PEX14: variants seen among roughly 807,000 people sequenced by gnomAD.
The protein encoded by PEX14 is peroxisomal biogenesis factor 14.
Under a neutral mutation model 49.5 loss-of-function variants are expected in PEX14, and 15 were observed. The observed-to-expected ratio is 0.30, with a 90% CI of 0.20 to 0.47. PEX14 has a LOEUF of 0.47. PEX14 is among the 20% of genes least tolerant of loss of function. The pLI is 1.00. For missense variants in PEX14, 398 were observed against 494.8 expected, an observed-to-expected ratio of 0.80 and a Z score of 1.86; for synonymous variants, 210 against 212.7, an observed-to-expected ratio of 0.99 and a Z score of 0.11.
chr1:10,488,590 C>T (rs1166626123), intron 1 of PEX14, among the ~76,000 whole-genome samples: 1 of 151,856 alleles, frequency 6.6e-6, no homozygotes, highest in Non-Finnish European at 1.5e-5. Context: ...AGCTCTGCCT[C>T]CTGGGTTCAC....
intron 3 of PEX14, among the ~76,000 whole-genome samples, chr1:10,570,357 G>T (rs1013011260): frequency 6.6e-6 from 1 of 151,780 alleles, no homozygotes; most frequent in Non-Finnish European, 1.5e-5. Context: ...TTTTTGAGAC[G>T]TGGTCTTGCT....
intron 2 of PEX14, among the ~76,000 whole-genome samples, chr1:10,527,976 G>A (rs1167317961): frequency 2.0e-5 from 3 of 152,178 alleles, no homozygotes; most frequent in Non-Finnish European, 4.4e-5. Flanking sequence ...TGGCCTAGAA[G>A]TGCCTTTTAA....
chr1:10,499,730 A>G (rs1375445620), intron 2 of PEX14, among the ~76,000 whole-genome samples: 2 of 152,160 alleles, frequency 1.3e-5, no homozygotes, highest in Non-Finnish European at 2.9e-5. Context: ...TACAGGTGTG[A>G]GCCAACGTGC....
intron 3 of PEX14, among the ~76,000 whole-genome samples, chr1:10,567,704 A>T (rs1455184643): frequency 6.6e-6 from 1 of 152,132 alleles, no homozygotes; most frequent in Non-Finnish European, 1.5e-5. Flanking sequence ...CATGTTGACC[A>T]GGCTGGTCTT....
intron 3 of PEX14, among the ~76,000 whole-genome samples, chr1:10,557,664 T>C (rs1296942011): frequency 1.3e-5 from 2 of 152,208 alleles, no homozygotes; most frequent in Non-Finnish European, 2.9e-5. Flanking sequence ...TAATGTACAT[T>C]GCTAACCTGT....
intron 4 of PEX14, among the ~76,000 whole-genome samples, chr1:10,616,053 A>G (rs1045524815): frequency 1.3e-5 from 2 of 152,294 alleles, no homozygotes; most frequent in East Asian, 1.9e-4. Flanking sequence ...CCGAGATTCC[A>G]GGGCTAGGAC....
intron 3 of PEX14, among the ~76,000 whole-genome samples, chr1:10,552,609 A>G (rs1639367782): frequency 6.6e-6 from 1 of 152,226 alleles, no homozygotes; most frequent in South Asian, 2.1e-4. Flanking sequence ...TTAAATATCC[A>G]TTTCCTTCAT....
chr1:10,509,700 GT>G (rs898317037), intron 2 of PEX14, among the ~76,000 whole-genome samples: 2 of 152,136 alleles, frequency 1.3e-5, no homozygotes, highest in African/African-American at 4.8e-5. Flanking sequence ...TTGGTTTAAT[GT>G]ACAATTGATT....
chr1:10,545,870 C>A (rs1428401840), intron 3 of PEX14, among the ~76,000 whole-genome samples: 2 of 152,080 alleles, frequency 1.3e-5, no homozygotes, highest in East Asian at 3.9e-4. Context: ...ACAGTGAGAT[C>A]CTGTCTCTAC....
intron 1 of PEX14, among the ~76,000 whole-genome samples, chr1:10,480,629 C>A (rs1410111879): frequency 2.0e-5 from 3 of 152,032 alleles, no homozygotes; most frequent in African/African-American, 7.2e-5. Context: ...TGCTTGACCT[C>A]AGGTGATCCA....
intron 2 of PEX14, among the ~76,000 whole-genome samples, chr1:10,499,969 A>G (rs542335876): frequency 1.3e-5 from 2 of 152,038 alleles, no homozygotes; most frequent in African/African-American, 2.4e-5. Flanking sequence ...TACATCATGT[A>G]TTTGATCTCA....
intron 1 of PEX14, among the ~76,000 whole-genome samples, chr1:10,483,543 C>T (rs930211418): frequency 6.6e-6 from 1 of 151,754 alleles, no homozygotes; most frequent in African/African-American, 2.4e-5. Context: ...TCTCAATCTC[C>T]TGACCTCATG....
At position 10,630,320 on chromosome 1, in the gene PEX14, T is replaced by A. The variant is rs1312833240; in HGVS notation, c.*333T>A. ...CCGGACAGACGCCTTGCCCAGGGTG[T>A]GTTTGCTGAGTGTCTTGACTACCGT... On this transcript the variant is annotated 3_prime_UTR_variant, in exon 9 of 9. Coordinates refer to ENST00000356607, the MANE Select transcript of PEX14 (RefSeq NM_004565.3). The surrounding 1 kb of genome is among the most constrained non-coding windows in gnomAD (Gnocchi z 4.1). 4 of 434,418 alleles carry A rather than the reference T, an allele frequency of 9.2e-6. No homozygotes were observed. The highest frequency in any genetic ancestry group is 1.7e-5 in the Non-Finnish European group (4 of 238,472). The allele number at this position is 434,418 out of a possible 1,614,324, so 26.9% of individuals were successfully genotyped here.
At chr1:10,591,555 A>G (rs1348259430) in intron 3 of PEX14, among the ~76,000 whole-genome samples, 3 of 150,924 alleles carry the variant, frequency 2.0e-5, no homozygotes, top group Non-Finnish European at 4.4e-5. Flanking sequence ...GTGTTCCTCA[A>G]TCTCTGTTCC....
chr1:10,480,801 C>T (rs1250075156), intron 1 of PEX14, among the ~76,000 whole-genome samples: 1 of 151,968 alleles, frequency 6.6e-6, no homozygotes, highest in African/African-American at 2.4e-5. Context: ...GCACTGTTCA[C>T]ATTTTGCTGA....
At chr1:10,578,108 A>G (rs1196545532) in intron 3 of PEX14, among the ~76,000 whole-genome samples, 5 of 152,234 alleles carry the variant, frequency 3.3e-5, no homozygotes, top group South Asian at 4.2e-4. Flanking sequence ...GAAGATGGCA[A>G]TCATAGAAAG....
rs1399636453 is a variant in PEX14, at chr1:10,630,187, G to A, written c.*200G>A. 4 of 692,132 alleles carry A rather than the reference G, an allele frequency of 5.8e-6. No homozygotes were observed. The East Asian group carries it at 8.3e-5, about 14-fold the overall frequency. The allele number at this position is 692,132 out of a possible 1,614,324, so 42.9% of individuals were successfully genotyped here. A position where few individuals can be genotyped will look rare whatever the true frequency, so the allele number is the denominator to read the frequency against. On this transcript the variant is annotated 3_prime_UTR_variant, in exon 9 of 9. Transcript: ENST00000356607. The surrounding 1 kb of genome is among the most constrained non-coding windows in gnomAD (Gnocchi z 4.1). ...CTGGCCTCCTCTCGCCTGGCCGCCA[G>A]CCCCAGCCCCAGCCCCAGCCCCAGG...
At chr1:10,599,396 C>T in intron 4 of PEX14, 30 bp downstream of exon 4, 2 of 1,613,632 alleles carry the variant, frequency 1.2e-6, no homozygotes, top group Non-Finnish European at 1.7e-6. Flanking sequence ...TCCTGCTTAA[C>T]CTTGATTGGG....
chr1:10,536,168 A>G, intron 2 of PEX14, 45 bp from the exon 3 acceptor site: 3 of 1,120,514 alleles, frequency 2.7e-6, no homozygotes, highest in Non-Finnish European at 2.7e-6. Flanking sequence ...TGAAATTCAG[A>G]CTATTGAAGT....
Sources: allele counts gnomAD v4.1 joint callset (sites outside exome capture counted in the v4.1 genomes callset), GRCh38; gene constraint gnomAD v4.1.1; non-coding constraint Gnocchi (gnomAD v3.1); transcripts MANE v1.5; gene names NCBI Gene and HGNC (gene_info 2026-07-23, HGNC 2026-07-21).